The following SPAG17 variants were observed in gnomAD, a reference collection of about 807,000 sequenced individuals.
SPAG17 encodes the protein sperm associated antigen 17.
SPAG17 carries 169 observed loss-of-function variants against 273.6 expected under a neutral mutation model. The ratio of observed to expected loss-of-function variants is 0.62; its 90% confidence interval spans 0.55 to 0.70. The LOEUF is 0.70. Among genes scored for constraint, SPAG17 ranks in the 30% least tolerant of loss-of-function variants. The probability of loss-of-function intolerance (pLI) is 0.00; values close to 1 mark genes in which losing one functional copy is unlikely to be tolerated. For missense variants in SPAG17, 2,557 were observed against 2,627.8 expected (o/e 0.97, Z 0.59); for synonymous variants, 825 against 873.2 (o/e 0.94, Z 0.97).
chr1:117,963,115 G>A (rs914699021), intron 48 of SPAG17: 1 of 152,166 alleles, frequency 6.6e-6, no homozygotes, highest in Admixed American at 6.5e-5. Flanking sequence ...TTAGAACACA[G>A]TACACATTGT....
intron 1 of SPAG17, among the ~76,000 whole-genome samples, chr1:118,154,182 G>C (rs1659530669): frequency 6.6e-6 from 1 of 152,122 alleles, no homozygotes; most frequent in African/African-American, 2.4e-5. Flanking sequence ...CCATTTCAAG[G>C]GGTCTTAAGA....
chr1:118,137,648 A>G (rs555720873), intron 3 of SPAG17, among the ~76,000 whole-genome samples: 1 of 152,368 alleles, frequency 6.6e-6, no homozygotes, highest in South Asian at 2.1e-4. Context: ...GAAGCAATAT[A>G]GAAATCATAT....
chr1:118,101,579 T>C (rs1049249089), intron 5 of SPAG17, among the ~76,000 whole-genome samples, 161 bp downstream of exon 5: 5 of 152,198 alleles, frequency 3.3e-5, no homozygotes, highest in African/African-American at 1.2e-4. Flanking sequence ...TCACAGTTCA[T>C]GAGGCAGGAA....
intron 25 of SPAG17, among the ~76,000 whole-genome samples, chr1:118,030,175 G>T (rs1648274613): frequency 6.6e-6 from 1 of 151,976 alleles, no homozygotes. Context: ...CAAGGGGCCT[G>T]GCATGAGAAA....
In SPAG17 at chr1:117,988,212, CAT is replaced by C; in HGVS notation, c.5522-10_5522-9del. ...CAGTTAGGTGAGCTGCAACTTTAAA[CAT>C]AGATGTATTTAACTTTTATCCCCAC... is the stretch of plus-strand genomic sequence containing the variant. On this transcript the variant is annotated splice_polypyrimidine_tract_variant and intron_variant, in intron 38 of 48. Coordinates refer to ENST00000336338, the MANE Select transcript of SPAG17 (RefSeq NM_206996.4). 2 of 1,580,820 alleles carry C rather than the reference CAT, an allele frequency of 1.3e-6. No homozygotes were observed. Among genetic ancestry groups the C allele is most frequent in the Non-Finnish European group, 1.7e-6 (2 of 1,167,146 alleles).
chr1:118,173,819 AATT>A (rs1346227712), intron 1 of SPAG17, among the ~76,000 whole-genome samples: 2 of 151,008 alleles, frequency 1.3e-5, no homozygotes, highest in Admixed American at 1.3e-4. Context: ...AACACTGTGC[AATT>A]GCACTGCAGC....
At chr1:117,962,568 G>C (rs1653251858) in intron 48 of SPAG17, 2 of 149,590 alleles carry the variant, frequency 1.3e-5, no homozygotes, top group Non-Finnish European at 3.0e-5. Context: ...AAAGGCTCTT[G>C]AATGATGTAT....
intron 15 of SPAG17, chr1:118,076,195 C>CTTATTCTGTGGCAAGCATAAGACAACTTT (rs1654072773): frequency 6.6e-6 from 1 of 151,888 alleles, no homozygotes; most frequent in South Asian, 2.1e-4. Flanking sequence ...ACAACAAAGC[C>CTTATTCTGTGGCAAGCATAAGACAACTTT]TTATTCTGTG....
At chr1:118,035,511 A>C (rs962856568) in intron 24 of SPAG17, among the ~76,000 whole-genome samples, 4 of 152,200 alleles carry the variant, frequency 2.6e-5, no homozygotes, top group African/African-American at 9.6e-5. Context: ...ATCAAAGGCA[A>C]AGGCAAAATT....
intron 18 of SPAG17, among the ~76,000 whole-genome samples, chr1:118,060,085 T>G (rs1038569950): frequency 6.6e-6 from 1 of 152,152 alleles, no homozygotes; most frequent in Non-Finnish European, 1.5e-5. Flanking sequence ...TCAATTTTGT[T>G]TTATGGTTCT....
intron 27 of SPAG17, among the ~76,000 whole-genome samples, chr1:118,024,701 C>A (rs939649209): frequency 2.6e-5 from 4 of 152,076 alleles, no homozygotes; most frequent in Non-Finnish European, 5.9e-5. Flanking sequence ...CTCTGGGTGA[C>A]AGTGAGTTAC....
intron 28 of SPAG17, 38 bp downstream of exon 28, chr1:118,023,266 A>G (rs951610386): frequency 6.4e-7 from 1 of 1,561,104 alleles, no homozygotes. Context: ...TGAAGGCTTT[A>G]CTAAATCCAT....
At position 118,066,953 on chromosome 1, in the gene SPAG17, G is replaced by T. The variant is rs554392539; in HGVS notation, c.2386-54C>A. On this transcript the variant is annotated intron_variant, in intron 17 of 48. Transcript: ENST00000336338. Reference sequence around the variant, plus strand: ...ATCTTTTTTATTTTCCCCAAGAGAAGGGTCTCCTACTAGGGCATTTCTCTA... The same window carrying T: ...ATCTTTTTTATTTTCCCCAAGAGAATGGTCTCCTACTAGGGCATTTCTCTA... 1.8e-5 allele frequency: 28 copies of T among 1,530,762 alleles called. No individual in the cohort carries two copies. The South Asian group carries it at 3.5e-4, about 19-fold the overall frequency. 94.8% of individuals were successfully genotyped at this position (1,530,762 alleles called of 1,614,324 possible).
intron 43 of SPAG17, among the ~76,000 whole-genome samples, chr1:117,977,299 C>T (rs536047505): frequency 1.3e-5 from 2 of 152,114 alleles, no homozygotes; most frequent in African/African-American, 2.4e-5. Context: ...CTAGCCTGGG[C>T]GACAGAGCAA....
intron 43 of SPAG17, among the ~76,000 whole-genome samples, chr1:117,974,142 CTT>C: frequency 6.6e-6 from 1 of 152,054 alleles, no homozygotes; most frequent in African/African-American, 2.4e-5. Context: ...GTGTATGTGT[CTT>C]TTTGATAGAA....
At chr1:117,957,049 T>C (rs1571038864) in intron 48 of SPAG17, 1 of 1,545,068 alleles carries the variant, frequency 6.5e-7, no homozygotes, top group Middle Eastern at 1.7e-4. Context: ...CATTTTTATA[T>C]TTATTTTTTC....
intron 1 of SPAG17, among the ~76,000 whole-genome samples, chr1:118,162,538 A>G (rs1057507940): frequency 6.6e-6 from 1 of 152,232 alleles, no homozygotes. Context: ...TACACAAAAA[A>G]GGTGAAAAGA....
rs150475126 is a variant in SPAG17 at position 118,144,762 on chromosome 1, T to C, written c.315+5781A>G. On this transcript the variant is annotated intron_variant, in intron 3 of 48. Coordinates refer to ENST00000336338, the MANE Select transcript of SPAG17 (RefSeq NM_206996.4). ...GAGTCTTGCTGTATTCTTTGAAGAC[T>C]GTACTGGCCATAATAGCTTCAAAGA... Among the ~76,000 whole-genome samples the C allele has an allele frequency of 1.0e-3, 154 of 152,310 alleles. 1 individual carries two copies. The East Asian group carries it at 0.014, about 14-fold the overall frequency.
intron 3 of SPAG17, among the ~76,000 whole-genome samples, chr1:118,142,049 G>A (rs1332221003): frequency 2.7e-5 from 4 of 150,758 alleles, no homozygotes; most frequent in Non-Finnish European, 4.5e-5. Context: ...GAACACCCAC[G>A]TTCATAGCAG....
Sources: gnomAD v4.1 joint callset for allele counts (sites outside exome capture counted in the v4.1 genomes callset) on GRCh38, gnomAD v4.1.1 for gene constraint, MANE v1.5 for transcripts, NCBI Gene and HGNC (gene_info 2026-07-23, HGNC 2026-07-21) for gene names.